The following RCAN3 variants were observed in gnomAD, a reference collection of about 807,000 sequenced individuals.
RCAN3 encodes regulator of calcineurin 3.
Under a neutral mutation model 21.9 loss-of-function variants are expected in RCAN3, and 19 were observed. The ratio of observed to expected loss-of-function variants is 0.87; its 90% CI spans 0.61 to 1.27. The LOEUF (loss-of-function observed/expected upper bound fraction) is 1.27. Ranked by LOEUF, RCAN3 falls within the 50% of genes most tolerant of loss-of-function variation. The probability of loss-of-function intolerance (pLI) is 0.00; values close to 1 mark genes in which losing one functional copy is unlikely to be tolerated. For synonymous variants in RCAN3, 114 were observed against 112.3 expected (o/e 1.01, Z -0.09); for missense variants, 240 against 300.1 (o/e 0.80, Z 1.48).
intron 2 of RCAN3, among the ~76,000 whole-genome samples, chr1:24,529,743 G>A (rs888910729): frequency 6.6e-6 from 1 of 150,922 alleles, no homozygotes; most frequent in African/African-American, 2.4e-5. Context: ...TAGAGACAGG[G>A]TTTCACCATG....
At chr1:24,523,308 G>T (rs552250381) in intron 2 of RCAN3, among the ~76,000 whole-genome samples, 2 of 151,868 alleles carry the variant, frequency 1.3e-5, no homozygotes, top group African/African-American at 4.8e-5. Context: ...CAGGTGATCC[G>T]CCCGCCTTGG....
At chr1:24,534,852 T>A (rs1208840353) in intron 4 of RCAN3, among the ~76,000 whole-genome samples, 1 of 152,200 alleles carries the variant, frequency 6.6e-6, no homozygotes, top group East Asian at 1.9e-4. Flanking sequence ...CATAAAACAA[T>A]AATTAGCATT....
chr1:24,520,484 G>A (rs1019295890), intron 2 of RCAN3, among the ~76,000 whole-genome samples: 23 of 152,192 alleles, frequency 1.5e-4, no homozygotes, highest in African/African-American at 5.1e-4. Flanking sequence ...TACATACACC[G>A]TGGAATACTA....
intron 1 of RCAN3, 129 bp downstream of exon 1, chr1:24,503,279 C>G (rs1239361961): frequency 6.6e-6 from 1 of 150,578 alleles, no homozygotes; most frequent in Admixed American, 6.6e-5. Flanking sequence ...CTCCGAGCCG[C>G]GGGACCGGGA....
At chr1:24,520,177 T>C (rs1648672616) in intron 2 of RCAN3, among the ~76,000 whole-genome samples, 1 of 152,230 alleles carries the variant, frequency 6.6e-6, no homozygotes, top group Admixed American at 6.5e-5. Context: ...TATAGTTAAC[T>C]GTGTTTTTAA....
intron 4 of RCAN3, 137 bp downstream of exon 4, chr1:24,533,391 T>G: frequency 1.7e-6 from 1 of 604,866 alleles, no homozygotes; most frequent in Non-Finnish European, 2.6e-6. Context: ...ATTCCAGCTG[T>G]GGCATCTGCT....
At position 24,525,761 on chromosome 1, in the gene RCAN3, C is replaced by A. The variant is rs1243954435; in HGVS notation, c.196-5457C>A. On this transcript the variant is annotated intron_variant, in intron 2 of 4. Transcript: ENST00000374395. This position sits in a 1 kb window ranked among gnomAD's most constrained non-coding sequence, Gnocchi z 4.1. ...GTCCATTTTCATAGATTATGTCCTTCCCCTGCCGTCTGCAATCTTCTAAAT... is the reference window on the plus strand; with the variant it reads ...GTCCATTTTCATAGATTATGTCCTTACCCTGCCGTCTGCAATCTTCTAAAT... 6.6e-6 allele frequency among the ~76,000 whole-genome samples: 1 copy of A among 152,162 alleles called. No homozygotes were observed. Among genetic ancestry groups the A allele is most frequent in the Non-Finnish European group, 1.5e-5 (1 of 68,030 alleles).
rs747514066 is a variant in RCAN3 at position 24,533,082 on chromosome 1, G to A, written c.370-1G>A. The A allele has an allele frequency of 7.6e-6, 11 of 1,452,530 alleles. No homozygotes were observed. The highest frequency in any genetic ancestry group is 9.1e-6 in the Non-Finnish European group (10 of 1,100,814). 90.0% of individuals were successfully genotyped at this position (1,452,530 alleles called of 1,614,324 possible). A position where few individuals can be genotyped will look rare whatever the true frequency, so the allele number is the denominator to read the frequency against. On this transcript the variant is annotated splice_acceptor_variant, in intron 3 of 4. Coordinates refer to ENST00000374395, the MANE Select transcript of RCAN3 (RefSeq NM_013441.4). LOFTEE classifies it high-confidence loss of function. ...GGCTTTGAGCGTCTCGCTCCCTGCA[G>A]GTGCAGATGTCCGGCGAAGTGCGGG...
Position 24,537,603 on chromosome 1 carries a change from T to C in RCAN3, c.*2326T>C, listed in dbSNP as rs1378043473. ...TTTTGAAATTGAGTTATTACTTGGA[T>C]TTAACCCTGATAGGACCAGGTGTGG... On this transcript the variant is annotated 3_prime_UTR_variant, in exon 5 of 5. Transcript: ENST00000374395. 8.0e-5 allele frequency: 1 copy of C among 12,494 alleles called. No homozygotes were observed. The highest frequency in any genetic ancestry group is 1.4e-4 in the Non-Finnish European group (1 of 7,108). The allele number at this position is 12,494 out of a possible 1,614,324, so 0.8% of individuals were successfully genotyped here. A position where few individuals can be genotyped will look rare whatever the true frequency, so the allele number is the denominator to read the frequency against.
chr1:24,518,927 C>T (rs891258121), intron 2 of RCAN3, among the ~76,000 whole-genome samples: 3 of 152,096 alleles, frequency 2.0e-5, no homozygotes, highest in African/African-American at 7.2e-5. Flanking sequence ...GCATCCACCA[C>T]CATGCTCGGC....
rs1183397545 is a variant in RCAN3 at position 24,536,390 on chromosome 1, C to A, written c.*1113C>A. The A allele has an allele frequency of 3.9e-5, 6 of 152,144 alleles. No individual in the cohort carries two copies. The highest frequency in any genetic ancestry group is 1.4e-4 in the African/African-American group (6 of 41,422). 9.4% of individuals were successfully genotyped at this position (152,144 alleles called of 1,614,324 possible). On this transcript the variant is annotated 3_prime_UTR_variant, in exon 5 of 5. Transcript: ENST00000374395. Reference sequence around the variant, plus strand: ...CTTTTCTTTTTGTTGAAATTTTGTACCCGGATTGCAGTTGGCACTTTTCCT... The same window carrying A: ...CTTTTCTTTTTGTTGAAATTTTGTAACCGGATTGCAGTTGGCACTTTTCCT...
At chr1:24,513,125 T>A (rs1648023472) in intron 1 of RCAN3, among the ~76,000 whole-genome samples, 1 of 151,994 alleles carries the variant, frequency 6.6e-6, no homozygotes, top group African/African-American at 2.4e-5. Context: ...TAGTCCCAGC[T>A]ACCTGGGAGG....
At chr1:24,523,158 G>A (rs569824902) in intron 2 of RCAN3, among the ~76,000 whole-genome samples, 30 of 151,758 alleles carry the variant, frequency 2.0e-4, no homozygotes, top group African/African-American at 6.8e-4. Context: ...TCACCTCCCG[G>A]GTTCAAAGAG....
At chr1:24,504,468 A>C (rs1647291673) in intron 1 of RCAN3, among the ~76,000 whole-genome samples, 1 of 148,588 alleles carries the variant, frequency 6.7e-6, no homozygotes, top group Admixed American at 6.7e-5. Flanking sequence ...GCACCCAGCC[A>C]AACCTTTTCT....
Position 24,535,166 on chromosome 1 carries a change from TGAAGAG to T in RCAN3, c.621_626del (p.Glu209_Glu210del). ...TGGTTCATGTCTGTGAAAGTGAAAC[TGAAGAG>T]GAAGAAGAGACAAAAAACCCCAAAC... is the stretch of plus-strand genomic sequence containing the variant. On this transcript the variant is annotated inframe_deletion, in exon 5 of 5. Transcript: ENST00000374395. 1 of 1,597,652 alleles carries T rather than the reference TGAAGAG, an allele frequency of 6.3e-7. No individual in the cohort carries two copies. Among genetic ancestry groups the T allele is most frequent in the Non-Finnish European group, 8.5e-7 (1 of 1,174,448 alleles).
chr1:24,531,941 C>G (rs533050378), intron 3 of RCAN3, among the ~76,000 whole-genome samples: 45 of 152,196 alleles, frequency 3.0e-4, no homozygotes, highest in African/African-American at 1.0e-3. Flanking sequence ...AAACCAATTT[C>G]TTCTGAGAAG....
intron 2 of RCAN3, among the ~76,000 whole-genome samples, chr1:24,523,603 T>TACACAC (rs71577716): frequency 0.011 from 1,542 of 140,812 alleles, 15 homozygotes; most frequent in African/African-American, 0.027. Context: ...TTATTTCTAA[T>TACACAC]ACACACACAC....
intron 2 of RCAN3, among the ~76,000 whole-genome samples, chr1:24,527,390 G>T (rs1423679701): frequency 6.6e-6 from 1 of 152,174 alleles, no homozygotes; most frequent in Non-Finnish European, 1.5e-5. Context: ...GCAGCTTGCA[G>T]TCCACTGAAA....
chr1:24,503,979 A>G (rs928312451), intron 1 of RCAN3, among the ~76,000 whole-genome samples: 3 of 152,232 alleles, frequency 2.0e-5, no homozygotes, highest in Admixed American at 6.5e-5. Context: ...CTTTGGTTCA[A>G]TATCTTAAAC....
Sources: allele counts gnomAD v4.1 joint callset (sites outside exome capture counted in the v4.1 genomes callset), GRCh38; gene constraint gnomAD v4.1.1; non-coding constraint Gnocchi (gnomAD v3.1); transcripts MANE v1.5; gene names NCBI Gene and HGNC (gene_info 2026-07-23, HGNC 2026-07-21).